Variants in DOCK11 observed in about 807,000 individuals in gnomAD.
DOCK11 encodes the protein dedicator of cytokinesis protein 11.
Under a neutral mutation model 169.1 loss-of-function variants are expected in DOCK11, and 70 were observed. That is an observed-to-expected ratio of 0.41 (90% confidence interval 0.34 to 0.51). The LOEUF is 0.51. Among genes scored for constraint, DOCK11 ranks in the 20% least tolerant of loss-of-function variants. The pLI, the probability that DOCK11 is intolerant of heterozygous loss-of-function variation, is 0.10. For synonymous variants in DOCK11, 529 were observed against 541.3 expected, an observed-to-expected ratio of 0.98 and a Z score of 0.32; for missense variants, 1,166 against 1,538.8, an observed-to-expected ratio of 0.76 and a Z score of 4.05.
chrX:118,655,094 T>A, intron 44 of DOCK11, 133 bp downstream of exon 44: 1 of 571,963 alleles, frequency 1.7e-6, no homozygotes, highest in African/African-American at 2.3e-5. Flanking sequence ...TATTCAGTGT[T>A]AAAAATAAGC....
intron 40 of DOCK11, among the ~76,000 whole-genome samples, chrX:118,645,431 C>T (rs927651452): frequency 1.8e-5 from 2 of 111,412 alleles, no homozygotes; most frequent in South Asian, 3.8e-4. Flanking sequence ...CAGTGGTTCA[C>T]GCCTATAATC....
chrX:118,662,805 G>C lies in DOCK11; in HGVS notation c.5076+13G>C. 1 of 966,355 alleles carries C rather than the reference G, an allele frequency of 1.0e-6. No individual in the cohort carries two copies. Among genetic ancestry groups the C allele is most frequent in the Non-Finnish European group, 1.5e-6 (1 of 680,672 alleles). 79.6% of individuals were successfully genotyped at this position (966,355 alleles called of 1,213,427 possible). On this transcript the variant is annotated intron_variant, in intron 45 of 52. Transcript: ENST00000276202. ...CCATTATAGTGAAGTAAGGATTCCA[G>C]GGCCTGCATTGCCAGTTATATAAAT...
intron 14 of DOCK11, among the ~76,000 whole-genome samples, 160 bp downstream of exon 14, chrX:118,580,339 G>A (rs900499842): frequency 1.8e-5 from 2 of 111,559 alleles, no homozygotes; most frequent in African/African-American, 6.5e-5. Context: ...TTTTTGAGAC[G>A]GAGTTTCGCT....
At chrX:118,559,634 T>C (rs1392816820) in intron 6 of DOCK11, among the ~76,000 whole-genome samples, 2 of 110,522 alleles carry the variant, frequency 1.8e-5, no homozygotes, top group Non-Finnish European at 3.8e-5. Flanking sequence ...GCAGGGTGGC[T>C]CACTTTTGGG....
At chrX:118,592,530 C>T (rs2014036879) in intron 19 of DOCK11, among the ~76,000 whole-genome samples, 1 of 112,371 alleles carries the variant, frequency 8.9e-6, no homozygotes, top group Non-Finnish European at 1.9e-5. Flanking sequence ...TGGGTACATG[C>T]ATGTGCATCA....
At chrX:118,586,584 C>T (rs373728896) in intron 16 of DOCK11, among the ~76,000 whole-genome samples, 16 of 111,663 alleles carry the variant, frequency 1.4e-4, no homozygotes, top group East Asian at 1.1e-3. Context: ...AGACACAAAG[C>T]CTAACCATAT....
intron 12 of DOCK11, among the ~76,000 whole-genome samples, chrX:118,576,189 C>A (rs1258897584): frequency 8.9e-6 from 1 of 111,891 alleles, no homozygotes; most frequent in African/African-American, 3.2e-5. Context: ...CATGCCCTGC[C>A]ACATCCTGGG....
At chrX:118,660,031 G>A (rs2016173116) in intron 44 of DOCK11, among the ~76,000 whole-genome samples, 1 of 111,717 alleles carries the variant, frequency 9.0e-6, no homozygotes, top group East Asian at 2.8e-4. Flanking sequence ...TATGTTCTTT[G>A]TCTCTTCACT....
At chrX:118,683,272 T>G in intron 52 of DOCK11, 55 bp downstream of exon 52, 1 of 1,151,729 alleles carries the variant, frequency 8.7e-7, no homozygotes, top group South Asian at 2.1e-5. Flanking sequence ...CCAAAATTGT[T>G]GCTTAGCAAA....
intron 18 of DOCK11, 38 bp from the exon 19 acceptor site, chrX:118,590,172 T>C: frequency 9.0e-7 from 1 of 1,113,339 alleles, no homozygotes. Context: ...TTTACAGACC[T>C]GCATTTAGAG....
At chrX:118,648,670 A>G (rs1041167441) in intron 40 of DOCK11, among the ~76,000 whole-genome samples, 7 of 102,854 alleles carry the variant, frequency 6.8e-5, no homozygotes, top group Admixed American at 3.5e-4. Flanking sequence ...AATATGTTGC[A>G]GACTCTCGAG....
In DOCK11 at chrX:118,523,409, G is replaced by C; in HGVS notation, c.103-19316G>C. 2.7e-5 allele frequency among the ~76,000 whole-genome samples: 3 copies of C among 112,194 alleles called. No homozygotes were observed. In the South Asian group the frequency reaches 1.1e-3, roughly 42 times the overall value. On this transcript the variant is annotated intron_variant, in intron 1 of 52. Transcript: ENST00000276202. ...TGCATGTGCAGCAGGCAGTTCATGG[G>C]GTTTTAGGTGTGCTTCCTAGGTAAG...
chrX:118,630,616 G>A, intron 35 of DOCK11, 126 bp downstream of exon 35: 1 of 361,203 alleles, frequency 2.8e-6, no homozygotes, highest in Non-Finnish European at 4.9e-6. Context: ...ACAGTTATTT[G>A]GAGACTCTGA....
chrX:118,598,143 A>G (rs960984211), intron 22 of DOCK11, 27 bp downstream of exon 22: 47 of 1,079,850 alleles, frequency 4.4e-5, no homozygotes, highest in Non-Finnish European at 5.7e-5. Context: ...GAATTTTGTC[A>G]ATTTTTATAC....
At chrX:118,671,978 C>T (rs1242160782) in intron 46 of DOCK11, among the ~76,000 whole-genome samples, 1 of 112,622 alleles carries the variant, frequency 8.9e-6, no homozygotes, top group East Asian at 2.8e-4. Flanking sequence ...TGTGACCGGC[C>T]TGAAAATATT....
chrX:118,578,643 TA>T lies in DOCK11; in HGVS notation c.1511del (p.Lys504ArgfsTer83). Reference sequence around the variant, plus strand: ...CCCTATATCAAAAATTCTGATCCAGTAAAGGTAATTTATAAAGGTTGTTGAT... The same window carrying T: ...CCCTATATCAAAAATTCTGATCCAGTAAGGTAATTTATAAAGGTTGTTGAT... Reference protein sequence around the residue: ...AEPYIKNSDPVKTAQKVHRTA... With the variant: ...AEPYIKNSDPXKTAQKVHRTA... On this transcript the variant is annotated frameshift_variant, in exon 13 of 53. Transcript: ENST00000276202. LOFTEE classifies it high-confidence loss of function. 1 of 1,197,429 alleles carries T rather than the reference TA, an allele frequency of 8.4e-7. No homozygotes were observed. Among genetic ancestry groups the T allele is most frequent in the South Asian group, 1.8e-5 (1 of 54,877 alleles).
At chrX:118,627,643 A>C in intron 33 of DOCK11, 64 bp downstream of exon 33, 1 of 799,001 alleles carries the variant, frequency 1.3e-6, no homozygotes, top group Non-Finnish European at 1.9e-6. Context: ...TCTACTTCTC[A>C]GTATTTTTGA....
chrX:118,648,961 T>C lies in DOCK11; in HGVS notation c.4415T>C (p.Phe1472Ser). ...GTTCTTTAGTTTCCTTCAGCATTTTTCAAAGGAAGAGTAAACATGTGTGCT... is the reference window on the plus strand; with the variant it reads ...GTTCTTTAGTTTCCTTCAGCATTTTCCAAAGGAAGAGTAAACATGTGTGCT... ...AFISKFPSAF[F>S]KGRVNMCAAF... is the part of the protein sequence containing the mutation. Residue 1472 changes from phenylalanine (F) to serine (S), a missense_variant, in exon 41 of 53, where the codon TTC (phenylalanine) becomes TCC (serine). Coordinates refer to ENST00000276202, the MANE Select transcript of DOCK11 (RefSeq NM_144658.4). The C allele has an allele frequency of 8.5e-7, 1 of 1,178,234 alleles. No homozygotes were observed. Among genetic ancestry groups the C allele is most frequent in the Non-Finnish European group, 1.1e-6 (1 of 882,405 alleles).
chrX:118,633,882 C>T (rs1263294471), intron 35 of DOCK11: 1 of 112,605 alleles, frequency 8.9e-6, no homozygotes. Context: ...CTTTTATTTT[C>T]TTCTCGTAAT....
Sources: allele counts gnomAD v4.1 joint callset (sites outside exome capture counted in the v4.1 genomes callset), GRCh38; gene constraint gnomAD v4.1.1; transcripts MANE v1.5; gene names NCBI Gene and HGNC (gene_info 2026-07-23, HGNC 2026-07-21).